The following WNT2B variants were observed in gnomAD, a reference collection of about 807,000 sequenced individuals.
WNT2B encodes the protein protein Wnt-2b.
In WNT2B, 19 loss-of-function variants were observed where a neutral mutation model predicts 40.5. That is an observed-to-expected ratio of 0.47 (90% CI 0.33 to 0.69). The LOEUF (loss-of-function observed/expected upper bound fraction) is 0.69. Among genes scored for constraint, WNT2B ranks in the 30% least tolerant of loss-of-function variants. The pLI, the probability that WNT2B is intolerant of heterozygous loss-of-function variation, is 0.02. For synonymous variants in WNT2B, 220 were observed against 211.9 expected (o/e 1.04, Z -0.33); for missense variants, 467 against 556.4 (o/e 0.84, Z 1.62).
intron 1 of WNT2B, among the ~76,000 whole-genome samples, chr1:112,467,931 C>T (rs1489083189): frequency 6.6e-6 from 1 of 152,118 alleles, no homozygotes; most frequent in African/African-American, 2.4e-5. Flanking sequence ...ATGTTTGTAA[C>T]CATTAATCAA....
chr1:112,471,913 C>CA (rs1437136694), intron 1 of WNT2B, among the ~76,000 whole-genome samples: 1 of 152,088 alleles, frequency 6.6e-6, no homozygotes, highest in Non-Finnish European at 1.5e-5. Flanking sequence ...GTCAGTGATG[C>CA]AGTGTACATA....
intron 2 of WNT2B, 112 bp from the exon 3 acceptor site, chr1:112,516,028 T>C: frequency 7.1e-7 from 1 of 1,418,348 alleles, no homozygotes; most frequent in Non-Finnish European, 9.6e-7. Flanking sequence ...TAGGGGTGAC[T>C]CTGGGAAAGA....
intron 4 of WNT2B, among the ~76,000 whole-genome samples, chr1:112,519,337 G>C (rs1006298): frequency 0.49 from 75,189 of 151,952 alleles, 18,964 homozygotes; most frequent in East Asian, 0.64. Flanking sequence ...TTTTCCTCCC[G>C]TATCCCAGTG....
At chr1:112,516,099 G>A in intron 2 of WNT2B, 41 bp from the exon 3 acceptor site, 2 of 1,579,336 alleles carry the variant, frequency 1.3e-6, no homozygotes, top group Non-Finnish European at 1.7e-6. Context: ...GACAGACATG[G>A]GCCTCTTTCC....
chr1:112,505,237 C>G (rs903058647), upstream of WNT2B, among the ~76,000 whole-genome samples: 1 of 152,222 alleles, frequency 6.6e-6, no homozygotes. Flanking sequence ...ACCTGGGATT[C>G]TTCCTCAGGT....
intron 1 of WNT2B, among the ~76,000 whole-genome samples, chr1:112,482,085 G>T (rs1310386965): frequency 2.6e-5 from 4 of 151,540 alleles, no homozygotes; most frequent in Non-Finnish European, 5.9e-5. Flanking sequence ...GGCAGAGGTT[G>T]CAGTGAGTTG....
At chr1:112,487,184 A>G (rs1000256537) in intron 1 of WNT2B, among the ~76,000 whole-genome samples, 1 of 152,246 alleles carries the variant, frequency 6.6e-6, no homozygotes, top group African/African-American at 2.4e-5. Flanking sequence ...TGCTAGTGAA[A>G]GAAGACATTT....
rs151324480 is a variant in WNT2B, at chr1:112,489,166, T to C, written c.-95+21575T>C. Among the ~76,000 whole-genome samples the C allele has an allele frequency of 2.9e-3, 444 of 152,030 alleles. 3 individuals carry two copies. The highest frequency in any genetic ancestry group is 0.01 in the African/African-American group (422 of 41,484). ...GGTAGCAAATTGTGGTGGCTATCAC[T>C]ACAGAATACAGTGCAACACTTTGAG... On this transcript the variant is annotated intron_variant, in intron 1 of 4. Transcript: ENST00000256640.
chr1:112,484,270 CACATATATATATATATATAT>C lies in WNT2B; in HGVS notation c.-95+16683_-95+16702del, dbSNP rs199673369. Among the ~76,000 whole-genome samples the C allele has an allele frequency of 4.6e-3, 430 of 93,046 alleles. 7 individuals carry two copies. The highest frequency in any genetic ancestry group is 0.012 in the Middle Eastern group (2 of 168). The allele number at this position is 93,046 out of a possible 152,430, so 61.0% of individuals were successfully genotyped here. ...ACATATATATACACATATATATATACACATATATATATATATATATACACACACATATATATAGAGAGAGA... is the reference window on the plus strand; with the variant it reads ...ACATATATATACACATATATATATACACACACACATATATATAGAGAGAGA... On this transcript the variant is annotated intron_variant, in intron 1 of 4. Transcript: ENST00000256640.
In WNT2B at chr1:112,520,396, T is replaced by C; in HGVS notation, c.1063T>C (p.Cys355Arg). 6.2e-7 allele frequency: 1 copy of C among 1,614,132 alleles called. No individual in the cohort carries two copies. Among genetic ancestry groups the C allele is most frequent in the Non-Finnish European group, 8.5e-7 (1 of 1,180,014 alleles). The change falls in exon 5 of 5, where the codon TGT (cysteine) becomes CGT (arginine). Residue 355 changes from cysteine (C) to arginine (R), a missense_variant. Physicochemically the swap from Cys to Arg is radical, Grantham distance 180 (BLOSUM62 -3). Around this residue, in one of 2 missense-constraint regions of WNT2B, gnomAD observed 330 missense variants for 438.6 expected, o/e 0.75. Transcript: ENST00000369684. ...AACTCGAGTCACCCGTGTTACCCAG[T>C]GTGAGTGCAAATTCCACTGGTGCTG... ...DTTRVTRVTQCECKFHWCCAV... is the reference protein window; with the variant it reads ...DTTRVTRVTQRECKFHWCCAV...
chr1:112,469,622 T>C (rs1208020981), intron 1 of WNT2B, among the ~76,000 whole-genome samples: 1 of 152,100 alleles, frequency 6.6e-6, no homozygotes, highest in Admixed American at 6.6e-5. Flanking sequence ...ATCAGATTTC[T>C]TTCCTTTTTT....
chr1:112,525,587 C>A lies in WNT2B; in HGVS notation c.*5078C>A, dbSNP rs1460406604. On this transcript the variant is annotated 3_prime_UTR_variant, in exon 5 of 5. Transcript: ENST00000369684. ...GATGTGCAAATGCAAGGCAAGCATT[C>A]TCCCACTGGCCCCCTAACGGTTAAC... The A allele has an allele frequency of 6.5e-6, 1 of 154,272 alleles. No homozygotes were observed. Among genetic ancestry groups the A allele is most frequent in the East Asian group, 1.9e-4 (1 of 5,306 alleles). 9.6% of individuals were successfully genotyped at this position (154,272 alleles called of 1,614,324 possible). A position where few individuals can be genotyped will look rare whatever the true frequency, so the allele number is the denominator to read the frequency against.
At chr1:112,493,650 GC>G (rs1307623159) in intron 1 of WNT2B, among the ~76,000 whole-genome samples, 2 of 151,702 alleles carry the variant, frequency 1.3e-5, no homozygotes, top group African/African-American at 4.8e-5. Flanking sequence ...AAACTGAAAA[GC>G]AAAGAGAAAA....
rs146814085 is a variant in WNT2B, at chr1:112,516,606, G to A, written c.681+189G>A. On this transcript the variant is annotated intron_variant, in intron 3 of 4. Transcript: ENST00000369684. ...GGAATGCCTAGGGTCAATCAGGTGC[G>A]TGAAGAGTCTTCACATAGGTGGAAA... 3.7e-4 allele frequency among the ~76,000 whole-genome samples: 56 copies of A among 152,278 alleles called. No homozygotes were observed. The East Asian group carries it at 6.2e-3, about 17-fold the overall frequency.
At chr1:112,484,802 T>G (rs763150836) in intron 1 of WNT2B, among the ~76,000 whole-genome samples, 2 of 151,676 alleles carry the variant, frequency 1.3e-5, no homozygotes, top group Non-Finnish European at 2.9e-5. Flanking sequence ...TAATAAATAA[T>G]ACTATTTATA....
intron 1 of WNT2B, among the ~76,000 whole-genome samples, chr1:112,491,694 T>G (rs530903698): frequency 6.6e-6 from 1 of 152,220 alleles, no homozygotes; most frequent in South Asian, 2.1e-4. Context: ...AAGACCAACC[T>G]ATTCAACATA....
At chr1:112,500,949 T>C (rs1651931752) in intron 1 of WNT2B, among the ~76,000 whole-genome samples, 1 of 152,326 alleles carries the variant, frequency 6.6e-6, no homozygotes, top group South Asian at 2.1e-4. Flanking sequence ...TTATTATTAA[T>C]TAAAGTCCAT....
At chr1:112,480,909 C>T (rs1277417047) in intron 1 of WNT2B, among the ~76,000 whole-genome samples, 1 of 152,206 alleles carries the variant, frequency 6.6e-6, no homozygotes. Context: ...TGGCTCACAC[C>T]TGTAATCCCA....
At chr1:112,491,648 G>C (rs942529315) in intron 1 of WNT2B, among the ~76,000 whole-genome samples, 1 of 152,166 alleles carries the variant, frequency 6.6e-6, no homozygotes, top group Non-Finnish European at 1.5e-5. Context: ...CACTTTGGGA[G>C]GCCAAGGCGG....
Sources: allele counts gnomAD v4.1 joint callset (sites outside exome capture counted in the v4.1 genomes callset), GRCh38; gene constraint gnomAD v4.1.1; regional missense constraint gnomAD v4.1.1; transcripts MANE v1.5; gene names NCBI Gene and HGNC (gene_info 2026-07-23, HGNC 2026-07-21).